NTM: variants seen among roughly 807,000 people sequenced by gnomAD.
NTM encodes IgLON family member 2.
A neutral mutation model predicts 42.1 loss-of-function variants in NTM; 13 were observed. The ratio of observed to expected loss-of-function variants is 0.31; its 90% CI spans 0.20 to 0.49. The LOEUF (loss-of-function observed/expected upper bound fraction) is 0.49, where lower values mean the gene tolerates loss of function less well. Ranked by LOEUF, NTM falls within the 20% of genes least tolerant of loss-of-function variation. The pLI, the probability that NTM is intolerant of heterozygous loss-of-function variation, is 0.99. For synonymous variants in NTM, 187 were observed against 179.2 expected (o/e 1.04, Z -0.35); for missense variants, 373 against 452.8 (o/e 0.82, Z 1.60).
At position 132,309,992 on chromosome 11, in the gene NTM, C is replaced by A. The variant is rs1975613; in HGVS notation, c.662-120C>A. On this transcript the variant is annotated intron_variant, in intron 5 of 8. Coordinates refer to ENST00000683400, the MANE Select transcript of NTM (RefSeq NM_001352005.2). ...AATTGCTTGAACCCGGGAGGCAGAA[C>A]GTGCAGTGAGCCAAGATCATGCCAC... 4.1e-6 allele frequency: 5 copies of A among 1,223,084 alleles called. No individual in the cohort carries two copies. In the African/African-American group the frequency reaches 6.4e-5, roughly 16 times the overall value. 75.8% of individuals were successfully genotyped at this position (1,223,084 alleles called of 1,614,324 possible).
At chr11:131,936,914 T>A (rs182041684) in intron 2 of NTM, among the ~76,000 whole-genome samples, 11 of 152,346 alleles carry the variant, frequency 7.2e-5, no homozygotes, top group African/African-American at 2.4e-4. Flanking sequence ...TGACGGGTGA[T>A]GTAACTGAGA....
At chr11:131,930,971 A>C (rs925763842) in intron 2 of NTM, among the ~76,000 whole-genome samples, 2 of 151,946 alleles carry the variant, frequency 1.3e-5, no homozygotes, top group African/African-American at 4.8e-5. Flanking sequence ...GTGTGTGAGT[A>C]CACAAAACAC....
intron 2 of NTM, among the ~76,000 whole-genome samples, chr11:132,079,029 A>T (rs1372513610): frequency 6.6e-6 from 1 of 152,144 alleles, no homozygotes; most frequent in East Asian, 1.9e-4. Flanking sequence ...CATGGGGTCG[A>T]CCCAGTGGCT....
intron 2 of NTM, among the ~76,000 whole-genome samples, chr11:132,048,964 G>A (rs933383507): frequency 6.6e-6 from 1 of 152,016 alleles, no homozygotes; most frequent in South Asian, 2.1e-4. Context: ...TGACCTGAGA[G>A]AGAAGGACTT....
intron 1 of NTM, among the ~76,000 whole-genome samples, chr11:131,522,257 G>T (rs1433077988): frequency 6.6e-6 from 1 of 151,728 alleles, no homozygotes; most frequent in Non-Finnish European, 1.5e-5. Context: ...GGGAGAATGA[G>T]AAAAGATTTT....
intron 2 of NTM, among the ~76,000 whole-genome samples, chr11:132,127,790 T>A (rs1390810247): frequency 6.6e-6 from 1 of 152,204 alleles, no homozygotes; most frequent in Non-Finnish European, 1.5e-5. Flanking sequence ...TCATTTTGTT[T>A]TCTGGGGCGA....
At chr11:131,911,249 C>T in intron 1 of NTM, 1 of 1,415,660 alleles carries the variant, frequency 7.1e-7, no homozygotes, top group Admixed American at 2.9e-5. Context: ...CCCCCTTTGG[C>T]CGTCCTCCGT....
intron 1 of NTM, among the ~76,000 whole-genome samples, chr11:131,869,177 G>A (rs1372770528): frequency 6.6e-6 from 1 of 151,812 alleles, no homozygotes; most frequent in African/African-American, 2.4e-5. Flanking sequence ...TTTTTTTAAT[G>A]TGTGTGCTAT....
At chr11:131,786,746 T>C (rs2089298924) in intron 1 of NTM, among the ~76,000 whole-genome samples, 1 of 152,228 alleles carries the variant, frequency 6.6e-6, no homozygotes, top group African/African-American at 2.4e-5. Context: ...TTAGAGGTTG[T>C]ACCTGCAGGA....
chr11:131,940,008 G>T (rs2059626837), intron 2 of NTM, among the ~76,000 whole-genome samples: 2 of 152,226 alleles, frequency 1.3e-5, no homozygotes, highest in Admixed American at 6.5e-5. Flanking sequence ...TGTCTAAGTA[G>T]TTCTGCTCTA....
chr11:131,772,213 G>A (rs1404922312), intron 1 of NTM, among the ~76,000 whole-genome samples: 1 of 152,122 alleles, frequency 6.6e-6, no homozygotes, highest in Non-Finnish European at 1.5e-5. Flanking sequence ...AATAGACATG[G>A]GGATATAACA....
intron 2 of NTM, among the ~76,000 whole-genome samples, chr11:132,024,736 A>G (rs1593847051): frequency 6.6e-6 from 1 of 152,166 alleles, no homozygotes; most frequent in East Asian, 1.9e-4. Context: ...GAAGTTGTCA[A>G]CTTCTGACTC....
At chr11:131,439,411 A>G (rs1450689573) in intron 1 of NTM, among the ~76,000 whole-genome samples, 2 of 152,198 alleles carry the variant, frequency 1.3e-5, no homozygotes, top group Non-Finnish European at 2.9e-5. Context: ...CCTACCCACA[A>G]AGGTAGAGAC....
At position 132,282,976 on chromosome 11, in the gene NTM, C is replaced by CTTTTTTTTTTTTTTTTTTTTTTT. The variant is rs142817071; in HGVS notation, c.527-24710_527-24688dup. On this transcript the variant is annotated intron_variant, in intron 4 of 8. Transcript: ENST00000683400. Reference sequence around the variant, plus strand: ...AATGAAACGGGAAATTCCTTTATTCCTTTTTTTTTTTTTTTTTTTTTTTTT... The same window carrying CTTTTTTTTTTTTTTTTTTTTTTT: ...AATGAAACGGGAAATTCCTTTATTCCTTTTTTTTTTTTTTTTTTTTTTTTTTTTTTTTTTTTTTTTTTTTTTTT... Among the ~76,000 whole-genome samples the CTTTTTTTTTTTTTTTTTTTTTTT allele has an allele frequency of 2.0e-3, 217 of 108,952 alleles. 15 individuals carry two copies. The highest frequency in any genetic ancestry group is 2.6e-3 in the Non-Finnish European group (148 of 55,906). The allele number at this position is 108,952 out of a possible 152,430, so 71.5% of individuals were successfully genotyped here.
rs1032837307 is a variant in NTM at position 131,835,220 on chromosome 11, A to G, written c.83-76344A>G. Reference sequence around the variant, plus strand: ...TGAAGATATTTCTGTTTGAAAATTGAAAATTCTGTTTGAAAATACATGTGT... The same window carrying G: ...TGAAGATATTTCTGTTTGAAAATTGGAAATTCTGTTTGAAAATACATGTGT... On this transcript the variant is annotated intron_variant, in intron 1 of 8. Coordinates refer to ENST00000683400, the MANE Select transcript of NTM (RefSeq NM_001352005.2). Among the ~76,000 whole-genome samples, 4 of 152,292 alleles carry G rather than the reference A, an allele frequency of 2.6e-5. No individual in the cohort carries two copies. In the East Asian group the frequency reaches 7.7e-4, roughly 29 times the overall value.
intron 1 of NTM, among the ~76,000 whole-genome samples, chr11:131,732,528 G>A (rs2079826151): frequency 6.6e-6 from 1 of 152,166 alleles, no homozygotes; most frequent in African/African-American, 2.4e-5. Context: ...GATTTCAGAA[G>A]GGGAAATTGG....
intron 1 of NTM, among the ~76,000 whole-genome samples, chr11:131,732,764 G>A (rs1408374255): frequency 6.6e-6 from 1 of 152,106 alleles, no homozygotes; most frequent in Non-Finnish European, 1.5e-5. Flanking sequence ...GTCTATTTGT[G>A]TTGACACTTG....
intron 2 of NTM, among the ~76,000 whole-genome samples, chr11:132,118,633 C>G (rs572611708): frequency 6.6e-6 from 1 of 152,070 alleles, no homozygotes; most frequent in Non-Finnish European, 1.5e-5. Context: ...TCAAGAGCCA[C>G]GGAAAGGGTA....
chr11:131,971,561 C>A (rs1204573450), intron 2 of NTM, among the ~76,000 whole-genome samples: 2 of 152,088 alleles, frequency 1.3e-5, no homozygotes, highest in Non-Finnish European at 2.9e-5. Context: ...TGGGGCTCTT[C>A]ATTTGCGGTA....
Sources: allele counts gnomAD v4.1 joint callset (sites outside exome capture counted in the v4.1 genomes callset), GRCh38; gene constraint gnomAD v4.1.1; transcripts MANE v1.5; gene names NCBI Gene and HGNC (gene_info 2026-07-23, HGNC 2026-07-21).